Variants in RAP1GDS1 observed in about 807,000 individuals in gnomAD.
RAP1GDS1 encodes RAP1, GTP-GDP dissociation stimulator 1.
A neutral mutation model predicts 71.1 loss-of-function variants in RAP1GDS1; 35 were observed. That is an observed-to-expected ratio of 0.49 (90% CI 0.38 to 0.65). The LOEUF is 0.65. RAP1GDS1 is among the 30% of genes least tolerant of loss of function. The pLI is 0.00. For synonymous variants in RAP1GDS1, 229 were observed against 243.1 expected (o/e 0.94, Z 0.54); for missense variants, 663 against 706.1 (o/e 0.94, Z 0.69).
intron 1 of RAP1GDS1, among the ~76,000 whole-genome samples, chr4:98,271,331 A>T (rs907654280): frequency 2.6e-5 from 4 of 152,168 alleles, no homozygotes; most frequent in African/African-American, 9.7e-5. Context: ...AATTTTTAAT[A>T]ATGATAATTA....
chr4:98,380,082 C>CAAAAAA (rs79487127), intron 5 of RAP1GDS1, among the ~76,000 whole-genome samples: 2 of 109,692 alleles, frequency 1.8e-5, no homozygotes, highest in African/African-American at 6.3e-5. Context: ...CTCAATAATT[C>CAAAAAA]AAAAAAAAAA....
At chr4:98,417,270 A>G in intron 8 of RAP1GDS1, 97 bp from the exon 9 acceptor site, 2 of 1,187,750 alleles carry the variant, frequency 1.7e-6, no homozygotes, top group Non-Finnish European at 2.4e-6. Context: ...ACAGTTTGTG[A>G]GGTGTGAGTT....
At chr4:98,319,756 G>A (rs1009260011) in intron 2 of RAP1GDS1, among the ~76,000 whole-genome samples, 1 of 147,404 alleles carries the variant, frequency 6.8e-6, no homozygotes, top group Non-Finnish European at 1.5e-5. Flanking sequence ...CCTCCAGCCT[G>A]GGCAACAGAG....
At chr4:98,349,638 T>G (rs1736844404) in intron 3 of RAP1GDS1, among the ~76,000 whole-genome samples, 1 of 152,202 alleles carries the variant, frequency 6.6e-6, no homozygotes, top group Non-Finnish European at 1.5e-5. Context: ...CCTCTTTTAT[T>G]TCGTTGAGCA....
At chr4:98,311,526 C>T (rs1373429288) in intron 2 of RAP1GDS1, among the ~76,000 whole-genome samples, 1 of 152,134 alleles carries the variant, frequency 6.6e-6, no homozygotes, top group Non-Finnish European at 1.5e-5. Flanking sequence ...AAGGTCCCAT[C>T]GTGTGTGACA....
chr4:98,376,739 A>G (rs574983067), intron 4 of RAP1GDS1, among the ~76,000 whole-genome samples: 3 of 152,036 alleles, frequency 2.0e-5, no homozygotes, highest in African/African-American at 7.2e-5. Flanking sequence ...TTTTCTTCTC[A>G]TATTTGGTAA....
intron 2 of RAP1GDS1, among the ~76,000 whole-genome samples, chr4:98,318,482 C>G (rs1031651614): frequency 6.6e-6 from 1 of 152,202 alleles, no homozygotes; most frequent in African/African-American, 2.4e-5. Flanking sequence ...TGTACTCGCT[C>G]TCCTCCCCAT....
At position 98,443,564 on chromosome 4, in the gene RAP1GDS1, T is replaced by G. The variant is rs893411597; in HGVS notation, c.*1447T>G. The G allele has an allele frequency of 4.5e-6, 1 of 224,428 alleles. No individual in the cohort carries two copies. The highest frequency in any genetic ancestry group is 5.7e-5 in the Admixed American group (1 of 17,448). The allele number at this position is 224,428 out of a possible 1,614,324, so 13.9% of individuals were successfully genotyped here. The stretch of plus-strand genomic sequence containing the variant: ...CAGTAGCTCCTTCCTCTCCAACATG[T>G]GATGCTACACATCTCTGTGGATAAT... On this transcript the variant is annotated 3_prime_UTR_variant, in exon 15 of 15. Coordinates refer to ENST00000408927, the MANE Select transcript of RAP1GDS1 (RefSeq NM_001100427.2).
chr4:98,398,457 T>TA (rs1425371724), intron 6 of RAP1GDS1, among the ~76,000 whole-genome samples: 1 of 152,108 alleles, frequency 6.6e-6, no homozygotes, highest in African/African-American at 2.4e-5. Flanking sequence ...AAGAACATCT[T>TA]ACAAGCTTCT....
chr4:98,379,731 C>T (rs972841517), intron 5 of RAP1GDS1, among the ~76,000 whole-genome samples: 1 of 151,808 alleles, frequency 6.6e-6, no homozygotes, highest in East Asian at 1.9e-4. Context: ...TTCAGATAGC[C>T]TATATGGTTA....
Position 98,360,803 on chromosome 4 carries a change from G to A in RAP1GDS1, c.361+8202G>A, listed in dbSNP as rs546965404. Among the ~76,000 whole-genome samples the A allele has an allele frequency of 9.2e-5, 14 of 152,254 alleles. No homozygotes were observed. In the South Asian group the frequency reaches 1.9e-3, roughly 20 times the overall value. On this transcript the variant is annotated intron_variant, in intron 4 of 14. Coordinates refer to ENST00000408927, the MANE Select transcript of RAP1GDS1 (RefSeq NM_001100427.2). The stretch of plus-strand genomic sequence containing the variant: ...TGAATAATTCAGGGCCAGGCATAGT[G>A]GCTCACGCTTGTAATCCCATCATTT...
At chr4:98,327,754 A>T (rs1160221229) in intron 2 of RAP1GDS1, among the ~76,000 whole-genome samples, 1 of 152,162 alleles carries the variant, frequency 6.6e-6, no homozygotes, top group Admixed American at 6.5e-5. Flanking sequence ...GTGACCAGGA[A>T]TCAGTGTTAA....
intron 2 of RAP1GDS1, among the ~76,000 whole-genome samples, chr4:98,309,986 A>G (rs1008000853): frequency 5.9e-5 from 9 of 152,024 alleles, no homozygotes; most frequent in African/African-American, 2.2e-4. Context: ...TCATTAGAAT[A>G]GTTGGTGAGT....
Position 98,421,276 on chromosome 4 carries a change from G to C in RAP1GDS1, c.1322G>C (p.Gly441Ala). 1 of 1,608,856 alleles carries C rather than the reference G, an allele frequency of 6.2e-7. No homozygotes were observed. Among genetic ancestry groups the C allele is most frequent in the Non-Finnish European group, 8.5e-7 (1 of 1,176,998 alleles). The part of the protein sequence containing the change: ...DAQAEAAEQL[G>A]KNVKLVERLV... ...ATAGCAGAAGCTGCTGAACAATTGG[G>C]AAAGAATGTTAAGTTAGTGGAGCGT... is the stretch of plus-strand genomic sequence containing the variant. Residue 441 changes from glycine to alanine, a missense_variant, in exon 12 of 15, where the codon GGA becomes GCA. Transcript: ENST00000408927.
At chr4:98,326,999 G>A (rs964067274) in intron 2 of RAP1GDS1, among the ~76,000 whole-genome samples, 1 of 152,122 alleles carries the variant, frequency 6.6e-6, no homozygotes, top group Non-Finnish European at 1.5e-5. Flanking sequence ...AATGAAGCAG[G>A]AGCCTTGATT....
intron 2 of RAP1GDS1, among the ~76,000 whole-genome samples, chr4:98,335,371 G>C (rs920287844): frequency 6.6e-6 from 1 of 152,128 alleles, no homozygotes; most frequent in East Asian, 1.9e-4. Flanking sequence ...GATGGTCTTT[G>C]TGGTTTTTGC....
At chr4:98,414,061 G>T (rs1747519904) in intron 7 of RAP1GDS1, among the ~76,000 whole-genome samples, 1 of 151,590 alleles carries the variant, frequency 6.6e-6, no homozygotes, top group Non-Finnish European at 1.5e-5. Context: ...CTTTTTGATG[G>T]GGTTGTTTTT....
chr4:98,366,220 G>A (rs1432487536), intron 4 of RAP1GDS1, among the ~76,000 whole-genome samples: 1 of 152,142 alleles, frequency 6.6e-6, no homozygotes, highest in African/African-American at 2.4e-5. Flanking sequence ...CTATTTTCGT[G>A]ATAGTAAGTC....
intron 14 of RAP1GDS1, among the ~76,000 whole-genome samples, chr4:98,438,083 A>G (rs1751389526): frequency 6.6e-6 from 1 of 152,136 alleles, no homozygotes; most frequent in Non-Finnish European, 1.5e-5. Flanking sequence ...TTTGCTTAAC[A>G]TAATTTTCAG....
Sources: gnomAD v4.1 joint callset for allele counts (sites outside exome capture counted in the v4.1 genomes callset) on GRCh38, gnomAD v4.1.1 for gene constraint, MANE v1.5 for transcripts, NCBI Gene and HGNC (gene_info 2026-07-23, HGNC 2026-07-21) for gene names.